Variants in UBE2QL1 observed in about 807,000 individuals in gnomAD.
UBE2QL1 encodes the protein ubiquitin conjugating enzyme E2 QL1.
A neutral mutation model predicts 12.6 loss-of-function variants in UBE2QL1; 5 were observed. That is an observed-to-expected ratio of 0.40 (90% CI 0.21 to 0.83). The LOEUF is 0.83. UBE2QL1 is among the 40% of genes least tolerant of loss of function. The pLI is 0.37. For synonymous variants in UBE2QL1, 96 were observed against 94.5 expected, an observed-to-expected ratio of 1.02 and a Z score of -0.10; for missense variants, 99 against 222.6, an observed-to-expected ratio of 0.44 and a Z score of 3.53.
chr5:6,468,650 A>G (rs1040370102), intron 1 of UBE2QL1, among the ~76,000 whole-genome samples: 3 of 152,168 alleles, frequency 2.0e-5, no homozygotes, highest in African/African-American at 7.2e-5. Context: ...CATCATTTTA[A>G]ATGTTTTACC....
At chr5:6,475,592 A>C (rs1455939005) in intron 1 of UBE2QL1, among the ~76,000 whole-genome samples, 1 of 151,596 alleles carries the variant, frequency 6.6e-6, no homozygotes, top group Non-Finnish European at 1.5e-5. Flanking sequence ...CAGTATTTGT[A>C]GCACACTGCT....
intron 1 of UBE2QL1, among the ~76,000 whole-genome samples, chr5:6,468,852 A>G (rs1414071133): frequency 1.3e-5 from 2 of 152,198 alleles, no homozygotes; most frequent in African/African-American, 2.4e-5. Flanking sequence ...CGCATCAGAG[A>G]ACAGTTATGT....
At chr5:6,454,746 T>C (rs946795794) in intron 1 of UBE2QL1, among the ~76,000 whole-genome samples, 1 of 151,626 alleles carries the variant, frequency 6.6e-6, no homozygotes, top group Non-Finnish European at 1.5e-5. Context: ...CTGGCAGGGG[T>C]GGGTAACGCC....
chr5:6,470,330 G>A (rs1014631128), intron 1 of UBE2QL1, among the ~76,000 whole-genome samples: 5 of 152,204 alleles, frequency 3.3e-5, no homozygotes, highest in Admixed American at 1.3e-4. Flanking sequence ...CAGGAAAAGC[G>A]TGGATTACGT....
chr5:6,487,340 G>A (rs1403173482), intron 1 of UBE2QL1, among the ~76,000 whole-genome samples: 1 of 152,232 alleles, frequency 6.6e-6, no homozygotes, highest in African/African-American at 2.4e-5. Context: ...TGCAGCCCTG[G>A]AGAATTGTAT....
chr5:6,468,075 T>C (rs1739834825), intron 1 of UBE2QL1, among the ~76,000 whole-genome samples: 2 of 152,290 alleles, frequency 1.3e-5, no homozygotes, highest in Admixed American at 1.3e-4. Context: ...GATCCCTGGA[T>C]GACACTATTT....
chr5:6,482,407 G>A (rs1031062666), intron 1 of UBE2QL1, among the ~76,000 whole-genome samples: 1 of 152,160 alleles, frequency 6.6e-6, no homozygotes, highest in African/African-American at 2.4e-5. Flanking sequence ...GAAGCCTCAG[G>A]ATGCTCACTG....
intron 1 of UBE2QL1, among the ~76,000 whole-genome samples, chr5:6,451,046 A>G (rs976371198): frequency 2.6e-5 from 4 of 152,230 alleles, no homozygotes; most frequent in African/African-American, 4.8e-5. Flanking sequence ...GCTAATCAGA[A>G]TTCTTTGGAA....
rs533480517 is a variant in UBE2QL1, at chr5:6,496,233, C to T, written c.*4884C>T. Among the ~76,000 whole-genome samples the T allele has an allele frequency of 5.3e-5, 8 of 152,306 alleles. No individual in the cohort carries two copies. Among genetic ancestry groups the T allele is most frequent in the African/African-American group, 1.9e-4 (8 of 41,570 alleles). On this transcript the variant is annotated 3_prime_UTR_variant, in exon 2 of 2. Transcript: ENST00000399816. ...AAAGCCAGGAGGTGGCTTTCTCTTTCCTTCTACTGGTGGTAAATTAAGTGA... is the reference window on the plus strand; with the variant it reads ...AAAGCCAGGAGGTGGCTTTCTCTTTTCTTCTACTGGTGGTAAATTAAGTGA...
At chr5:6,475,947 G>A (rs182834875) in intron 1 of UBE2QL1, among the ~76,000 whole-genome samples, 12 of 152,232 alleles carry the variant, frequency 7.9e-5, no homozygotes, top group Admixed American at 7.8e-4. Flanking sequence ...GATAGGTGCT[G>A]GATTTAACCC....
At chr5:6,469,551 A>G (rs1481675092) in intron 1 of UBE2QL1, among the ~76,000 whole-genome samples, 1 of 145,528 alleles carries the variant, frequency 6.9e-6, no homozygotes, top group African/African-American at 2.5e-5. Flanking sequence ...TTATACATAT[A>G]TATAATCTAA....
rs1734630599 is a variant in UBE2QL1 at position 6,494,391 on chromosome 5, T to TA, written c.*3045dup. 6.6e-6 allele frequency: 1 copy of TA among 152,182 alleles called. No individual in the cohort carries two copies. Among genetic ancestry groups the TA allele is most frequent in the African/African-American group, 2.4e-5 (1 of 41,446 alleles). 9.4% of individuals were successfully genotyped at this position (152,182 alleles called of 1,614,324 possible). On this transcript the variant is annotated 3_prime_UTR_variant, in exon 2 of 2. Transcript: ENST00000399816. ...ACTCAGAAAAACCAGGGTGTCGGCT[T>TA]AAAGTTTTCAGCTCCATCTATCAAA... is the stretch of plus-strand genomic sequence containing the variant.
intron 1 of UBE2QL1, among the ~76,000 whole-genome samples, chr5:6,450,236 C>G (rs1739387074): frequency 6.6e-6 from 1 of 152,064 alleles, no homozygotes. Context: ...ACCTCACTGC[C>G]CCAAGCAGTT....
intron 1 of UBE2QL1, among the ~76,000 whole-genome samples, chr5:6,486,368 C>G (rs1308895959): frequency 6.6e-6 from 1 of 151,850 alleles, no homozygotes; most frequent in Admixed American, 6.6e-5. Context: ...AAATTCCATG[C>G]CCAAGCCTCC....
Position 6,449,142 on chromosome 5 carries a change from C to A in UBE2QL1, c.249C>A (p.Asp83Glu), listed in dbSNP as rs765506914. The A allele has an allele frequency of 3.2e-6, 5 of 1,544,758 alleles. No homozygotes were observed. The highest frequency in any genetic ancestry group is 1.2e-5 in the South Asian group (1 of 82,898). The part of the protein sequence containing the change: ...SPRLENGYVL[D>E]GGAICMELLT... ...GCCTGGAGAACGGCTACGTGCTGGA[C>A]GGCGGCGCCATCTGCATGGAGCTGC... The change falls in exon 1 of 2, where the codon GAC becomes GAA. Residue 83 changes from aspartate (D) to glutamate (E), a missense_variant. Physicochemically the swap from Asp to Glu is conservative, Grantham distance 45. Transcript: ENST00000399816.
At chr5:6,482,131 G>C (rs1734374847) in intron 1 of UBE2QL1, among the ~76,000 whole-genome samples, 1 of 152,190 alleles carries the variant, frequency 6.6e-6, no homozygotes, top group Non-Finnish European at 1.5e-5. Flanking sequence ...TATGGCAATG[G>C]AGGCAGAGAT....
chr5:6,458,035 C>T (rs570041380), intron 1 of UBE2QL1, among the ~76,000 whole-genome samples: 1 of 152,104 alleles, frequency 6.6e-6, no homozygotes, highest in South Asian at 2.1e-4. Flanking sequence ...TGCTTCAAAC[C>T]GTAGGAGAAA....
intron 1 of UBE2QL1, among the ~76,000 whole-genome samples, chr5:6,450,169 G>A (rs938596595): frequency 6.6e-5 from 10 of 150,382 alleles, no homozygotes; most frequent in African/African-American, 2.2e-4. Flanking sequence ...CCACCTCTGG[G>A]GTAGACGTTC....
chr5:6,473,339 C>G (rs1270064049), intron 1 of UBE2QL1, among the ~76,000 whole-genome samples: 1 of 152,214 alleles, frequency 6.6e-6, no homozygotes, highest in Non-Finnish European at 1.5e-5. Flanking sequence ...GGCACAGAGT[C>G]TAATACAGGC....
Sources: gnomAD v4.1 joint callset for allele counts (sites outside exome capture counted in the v4.1 genomes callset) on GRCh38, gnomAD v4.1.1 for gene constraint, MANE v1.5 for transcripts, NCBI Gene and HGNC (gene_info 2026-07-23, HGNC 2026-07-21) for gene names.